The following SYPL1 variants were observed in gnomAD, a reference collection of about 807,000 sequenced individuals.
The protein encoded by SYPL1 is synaptophysin like 1.
Under a neutral mutation model 23.7 loss-of-function variants are expected in SYPL1, and 6 were observed. The ratio of observed to expected loss-of-function variants is 0.25; its 90% confidence interval spans 0.14 to 0.50. The LOEUF is 0.50. Ranked by LOEUF, SYPL1 falls within the 20% of genes least tolerant of loss-of-function variation. The probability of loss-of-function intolerance (pLI) is 0.98; values close to 1 mark genes in which losing one functional copy is unlikely to be tolerated. For synonymous variants in SYPL1, 102 were observed against 104.5 expected (o/e 0.98, Z 0.15); for missense variants, 253 against 288.9 (o/e 0.88, Z 0.90).
chr7:106,097,750 G>A lies in SYPL1; in HGVS notation c.342C>T (p.Ala114=). ...TCGTGTAGCCAACATAAAGCAGAAG[G>A]GCAGCAATGCAGTACAGGAACACAA... ...AVFVFLYCIA[A]LLLYVGYTSL... is the part of the protein sequence containing the mutation. The change falls in exon 3 of 5, where the codon GCC becomes GCT. Residue 114 remains alanine (A), a synonymous_variant. Transcript: ENST00000455385. This position sits in a 1 kb window ranked among gnomAD's most constrained non-coding sequence, Gnocchi z 4.6. 6.2e-7 allele frequency: 1 copy of A among 1,613,946 alleles called. No homozygotes were observed. Among genetic ancestry groups the A allele is most frequent in the Non-Finnish European group, 8.5e-7 (1 of 1,179,922 alleles).
intron 3 of SYPL1, among the ~76,000 whole-genome samples, chr7:106,094,657 A>G (rs1319599880): frequency 6.6e-6 from 1 of 152,198 alleles, no homozygotes; most frequent in African/African-American, 2.4e-5. Flanking sequence ...GTTTTTTGGA[A>G]AACTGATGAG....
rs1840489244 is a variant in SYPL1, at chr7:106,104,454, T to TATAACAAGTAGCAAATAAAA, written c.70-5173_70-5172insTTTTATTTGCTACTTGTTAT. Among the ~76,000 whole-genome samples the TATAACAAGTAGCAAATAAAA allele has an allele frequency of 6.6e-6, 1 of 152,240 alleles. No homozygotes were observed. The highest frequency in any genetic ancestry group is 6.5e-5 in the Admixed American group (1 of 15,280). ...AACAAGTAGCAAATAAATGGCATAC[T>TATAACAAGTAGCAAATAAAA]GCACTACAGCTTGTTGCTTTCAAGA... On this transcript the variant is annotated intron_variant, in intron 1 of 4. Transcript: ENST00000455385. This position sits in a 1 kb window ranked among gnomAD's most constrained non-coding sequence, Gnocchi z 4.1.
In SYPL1 at chr7:106,091,353, T is replaced by C. The variant is rs955885367; in HGVS notation, c.*452A>G. The C allele has an allele frequency of 6.5e-6, 1 of 152,892 alleles. No individual in the cohort carries two copies. The highest frequency in any genetic ancestry group is 2.4e-5 in the African/African-American group (1 of 41,466). 9.5% of individuals were successfully genotyped at this position (152,892 alleles called of 1,614,324 possible). On this transcript the variant is annotated 3_prime_UTR_variant, in exon 5 of 5. Coordinates refer to ENST00000455385, the MANE Select transcript of SYPL1 (RefSeq NM_182715.4). The surrounding 1 kb of genome is among the most constrained non-coding windows in gnomAD (Gnocchi z 5.0). ...ATTTTGAACTCAATATGTTTTTTCCTACATATTTATGTAATCAAGGCTCTT... is the reference window on the plus strand; with the variant it reads ...ATTTTGAACTCAATATGTTTTTTCCCACATATTTATGTAATCAAGGCTCTT...
chr7:106,091,083 T>C lies in SYPL1; in HGVS notation c.*722A>G, dbSNP rs971244461. On this transcript the variant is annotated 3_prime_UTR_variant, in exon 5 of 5. Coordinates refer to ENST00000455385, the MANE Select transcript of SYPL1 (RefSeq NM_182715.4). The surrounding 1 kb of genome is among the most constrained non-coding windows in gnomAD (Gnocchi z 5.0). ...AGAGTAATGCCCATACATATAAAGA[T>C]ATCTAGTTGAGCCACGTTCTACTTA... 9 of 152,188 alleles carry C rather than the reference T, an allele frequency of 5.9e-5. No individual in the cohort carries two copies. Among genetic ancestry groups the C allele is most frequent in the African/African-American group, 2.2e-4 (9 of 41,450 alleles). 9.4% of individuals were successfully genotyped at this position (152,188 alleles called of 1,614,324 possible).
At chr7:106,110,494 T>G (rs1423288243) in intron 1 of SYPL1, among the ~76,000 whole-genome samples, 2 of 152,218 alleles carry the variant, frequency 1.3e-5, no homozygotes. Context: ...CCTTAATAGA[T>G]CATGAGAAAA....
intron 1 of SYPL1, among the ~76,000 whole-genome samples, chr7:106,108,248 C>G (rs934556672): frequency 1.3e-5 from 2 of 152,026 alleles, no homozygotes; most frequent in Admixed American, 1.3e-4. Flanking sequence ...TCTAATTGCT[C>G]TACTATTTTC....
chr7:106,108,521 A>G (rs1205852202), intron 1 of SYPL1, among the ~76,000 whole-genome samples: 1 of 152,104 alleles, frequency 6.6e-6, no homozygotes, highest in Non-Finnish European at 1.5e-5. Flanking sequence ...GTCCACAAAC[A>G]CACCTTATGA....
intron 3 of SYPL1, 101 bp from the exon 4 acceptor site, chr7:106,093,238 G>C: frequency 9.1e-7 from 1 of 1,099,554 alleles, no homozygotes. Flanking sequence ...ACCTTATGGT[G>C]CTGAGAAATG....
At chr7:106,101,482 T>G in intron 1 of SYPL1, among the ~76,000 whole-genome samples, 1 of 112,890 alleles carries the variant, frequency 8.9e-6, no homozygotes, top group African/African-American at 3.6e-5. Flanking sequence ...AAAAGATACA[T>G]GAAAAGAATC....
chr7:106,111,991 T>G, intron 1 of SYPL1, 149 bp downstream of exon 1: 1 of 1,026,470 alleles, frequency 9.7e-7, no homozygotes. Context: ...GCGGCCTCCC[T>G]GCCCTCCCTG....
chr7:106,105,260 A>G (rs1223565188), intron 1 of SYPL1, among the ~76,000 whole-genome samples: 1 of 151,978 alleles, frequency 6.6e-6, no homozygotes, highest in Non-Finnish European at 1.5e-5. Flanking sequence ...TTCCAACCCT[A>G]GTCTAAAATG....
chr7:106,101,788 A>AAG (rs1300125095), intron 1 of SYPL1, among the ~76,000 whole-genome samples: 200 of 151,744 alleles, frequency 1.3e-3, no homozygotes, highest in Non-Finnish European at 2.1e-3. Context: ...AAAAAAAAAA[A>AAG]AAAAGAAAAG....
In SYPL1 at chr7:106,097,793, T is replaced by C. The variant is rs149832675; in HGVS notation, c.299A>G (p.Tyr100Cys). 101 of 1,613,890 alleles carry C rather than the reference T, an allele frequency of 6.3e-5. No homozygotes were observed. The highest frequency in any genetic ancestry group is 1.7e-4 in the African/African-American group (13 of 74,900). The stretch of plus-strand genomic sequence containing the variant: ...GAACACAAAGACTGCAAAGGTAACA[T>C]AGAATTGTGCAGAAGAAGAGTAATC... Reference protein sequence around the residue: ...IGDYSSSAQFYVTFAVFVFLY... With the variant: ...IGDYSSSAQFCVTFAVFVFLY... Residue 100 changes from tyrosine to cysteine, a missense_variant, in exon 3 of 5, where the codon TAT becomes TGT. Physicochemically the swap from Tyr to Cys is radical, Grantham distance 194 (BLOSUM62 -2). Coordinates refer to ENST00000455385, the MANE Select transcript of SYPL1 (RefSeq NM_182715.4). This position sits in a 1 kb window ranked among gnomAD's most constrained non-coding sequence, Gnocchi z 4.6.
intron 1 of SYPL1, among the ~76,000 whole-genome samples, chr7:106,108,420 T>C (rs896755794): frequency 3.1e-4 from 47 of 152,182 alleles, no homozygotes; most frequent in African/African-American, 1.1e-3. Flanking sequence ...ATATTTGATA[T>C]AGGCTCAACT....
intron 1 of SYPL1, among the ~76,000 whole-genome samples, chr7:106,106,201 T>C (rs1840589048): frequency 2.6e-5 from 4 of 152,198 alleles, no homozygotes; most frequent in Admixed American, 2.6e-4. Flanking sequence ...TCTTAAGTTG[T>C]AGATGCATAT....
rs1271139573 is a variant in SYPL1 at position 106,109,238 on chromosome 7, C to T, written c.69+2902G>A. On this transcript the variant is annotated intron_variant, in intron 1 of 4. Transcript: ENST00000455385. The surrounding 1 kb of genome is among the most constrained non-coding windows in gnomAD (Gnocchi z 4.3). ...TTAAGCAACTGAGTTGTAAGCTGAA[C>T]TAGTGGCTTTTTTTTGTAACCACCA... 6.6e-6 allele frequency among the ~76,000 whole-genome samples: 1 copy of T among 152,198 alleles called. No individual in the cohort carries two copies. Among genetic ancestry groups the T allele is most frequent in the Non-Finnish European group, 1.5e-5 (1 of 68,034 alleles).
rs1840488588 is a variant in SYPL1 at position 106,104,450 on chromosome 7, A to C, written c.70-5168T>G. On this transcript the variant is annotated intron_variant, in intron 1 of 4. Transcript: ENST00000455385. The surrounding 1 kb of genome is among the most constrained non-coding windows in gnomAD (Gnocchi z 4.1). ...ATATAACAAGTAGCAAATAAATGGCATACTGCACTACAGCTTGTTGCTTTC... is the reference window on the plus strand; with the variant it reads ...ATATAACAAGTAGCAAATAAATGGCCTACTGCACTACAGCTTGTTGCTTTC... Among the ~76,000 whole-genome samples the C allele has an allele frequency of 6.6e-6, 1 of 152,214 alleles. No individual in the cohort carries two copies. The highest frequency in any genetic ancestry group is 6.5e-5 in the Admixed American group (1 of 15,274).
Position 106,095,521 on chromosome 7 carries a change from G to A in SYPL1, c.402+2169C>T, listed in dbSNP as rs1839976240. Reference sequence around the variant, plus strand: ...CCACCACCATGTCCAGCTAATTTTTGTATTTTTAGCAGAGATGGGGTTTCA... The same window carrying A: ...CCACCACCATGTCCAGCTAATTTTTATATTTTTAGCAGAGATGGGGTTTCA... On this transcript the variant is annotated intron_variant, in intron 3 of 4. Coordinates refer to ENST00000455385, the MANE Select transcript of SYPL1 (RefSeq NM_182715.4). This position sits in a 1 kb window ranked among gnomAD's most constrained non-coding sequence, Gnocchi z 4.3. 6.6e-6 allele frequency among the ~76,000 whole-genome samples: 1 copy of A among 151,944 alleles called. No homozygotes were observed. Among genetic ancestry groups the A allele is most frequent in the Non-Finnish European group, 1.5e-5 (1 of 68,000 alleles).
chr7:106,099,214 A>ACT lies in SYPL1; in HGVS notation c.137_138insAG (p.Cys46Ter). ...FKGQTEIQVNCPPAVTENKTV... is the reference protein window; with the variant it reads ...FKGQTEIQVN ...TTTTATTCTCAGTAACTGCAGGAGG[A>ACT]CAATTCACTTGAATTTCTGTTTGGC... Residue 46 changes from cysteine to a stop codon, truncating the protein, a stop_gained and frameshift_variant, in exon 2 of 5, where the codon TGT (cysteine) becomes TGAGT (stop). Coordinates refer to ENST00000455385, the MANE Select transcript of SYPL1 (RefSeq NM_182715.4). LOFTEE classifies it high-confidence loss of function. 2 of 1,614,122 alleles carry ACT rather than the reference A, an allele frequency of 1.2e-6. No individual in the cohort carries two copies. The highest frequency in any genetic ancestry group is 1.7e-6 in the Non-Finnish European group (2 of 1,179,996).
Sources: gnomAD v4.1 joint callset for allele counts (sites outside exome capture counted in the v4.1 genomes callset) on GRCh38, gnomAD v4.1.1 for gene constraint, Gnocchi (gnomAD v3.1) non-coding constraint, MANE v1.5 for transcripts, NCBI Gene and HGNC (gene_info 2026-07-23, HGNC 2026-07-21) for gene names.